The following LYG1 variants were observed in gnomAD, a reference collection of about 807,000 sequenced individuals.
LYG1 encodes the protein lysozyme g1.
In LYG1, 17 loss-of-function variants were observed where a neutral mutation model predicts 21.7. The observed-to-expected ratio is 0.78, with a 90% confidence interval of 0.54 to 1.18. The LOEUF is 1.18. Among genes scored for constraint, LYG1 ranks in the 50% most tolerant of loss-of-function variants. The pLI is 0.00. For synonymous variants in LYG1, 81 were observed against 87.4 expected (o/e 0.93, Z 0.41); for missense variants, 211 against 238.1 (o/e 0.89, Z 0.75).
At chr2:99,304,299 A>T (rs1348820926), upstream of LYG1, among the ~76,000 whole-genome samples, 1 of 152,218 alleles carries the variant, frequency 6.6e-6, no homozygotes. Context: ...TGATTTTATA[A>T]GAGGAAACCC....
chr2:99,289,673 T>TC (rs2094112738), intron 5 of LYG1, among the ~76,000 whole-genome samples: 2 of 152,162 alleles, frequency 1.3e-5, no homozygotes, highest in East Asian at 3.8e-4. Context: ...GTGCAAACCC[T>TC]CCAAACAGTC....
intron 3 of LYG1, 141 bp downstream of exon 3, chr2:99,295,487 T>G (rs546493894): frequency 9.7e-7 from 1 of 1,025,830 alleles, no homozygotes; most frequent in South Asian, 1.4e-5. Context: ...TTGGTGGCTG[T>G]TCCTAACTCC....
In LYG1 at chr2:99,296,558, C is replaced by T. The variant is rs895271995; in HGVS notation, c.-32-856G>A. ...CTACCAAACCAATACACAAATACCA[C>T]CAAGGATAGTTTGCTGTTAACCTCA... On this transcript the variant is annotated intron_variant, in intron 2 of 6. Coordinates refer to ENST00000308528, the MANE Select transcript of LYG1 (RefSeq NM_174898.3). Among the ~76,000 whole-genome samples, 3 of 152,114 alleles carry T rather than the reference C, an allele frequency of 2.0e-5. 1 individual carries two copies. Among genetic ancestry groups the T allele is most frequent in the South Asian group, 4.1e-4 (2 of 4,824 alleles).
chr2:99,285,046 A>G (rs948548632), intron 5 of LYG1, among the ~76,000 whole-genome samples: 29 of 152,206 alleles, frequency 1.9e-4, no homozygotes, highest in African/African-American at 6.3e-4. Flanking sequence ...AACCACTGAC[A>G]GTGCACAAAC....
intron 5 of LYG1, among the ~76,000 whole-genome samples, chr2:99,290,408 T>C (rs901685428): frequency 1.3e-5 from 2 of 152,222 alleles, no homozygotes; most frequent in Non-Finnish European, 2.9e-5. Context: ...TATCAGATTA[T>C]TGGATGGGTC....
upstream of LYG1, among the ~76,000 whole-genome samples, chr2:99,304,453 G>A (rs1183501266): frequency 6.6e-6 from 1 of 152,208 alleles, no homozygotes; most frequent in African/African-American, 2.4e-5. Flanking sequence ...TCAGTCTCAG[G>A]TATGTCTTTA....
At chr2:99,293,405 C>T (rs2094126849) in intron 3 of LYG1, among the ~76,000 whole-genome samples, 2 of 152,184 alleles carry the variant, frequency 1.3e-5, no homozygotes, top group African/African-American at 4.8e-5. Flanking sequence ...ACCTGGATCT[C>T]TCTGGGATAT....
intron 6 of LYG1, 74 bp downstream of exon 6, chr2:99,284,614 A>G (rs998334724): frequency 1.9e-6 from 3 of 1,594,188 alleles, no homozygotes; most frequent in Admixed American, 3.4e-5. Flanking sequence ...GTTTCGGGGA[A>G]TCTGGTGCAA....
rs201224615 is a variant in LYG1, at chr2:99,284,525, G to A, written c.467-14C>T. ...CACAGAGTCCACCTGAAATGCATGA[G>A]ATAGGTTAATGCTGACCTAGGGTAC... On this transcript the variant is annotated splice_polypyrimidine_tract_variant and intron_variant, in intron 6 of 6. Coordinates refer to ENST00000308528, the MANE Select transcript of LYG1 (RefSeq NM_174898.3). The A allele has an allele frequency of 7.0e-5, 113 of 1,613,024 alleles. No individual in the cohort carries two copies. In the African/African-American group the frequency reaches 1.1e-3, roughly 15 times the overall value.
intron 5 of LYG1, among the ~76,000 whole-genome samples, chr2:99,287,527 GT>G (rs2094104046): frequency 6.6e-6 from 1 of 151,970 alleles, no homozygotes; most frequent in South Asian, 2.1e-4. Flanking sequence ...GAACTTAAAG[GT>G]TGGAAAAAAG....
In LYG1 at chr2:99,284,483, A is replaced by G; in HGVS notation, c.495T>C (p.Ala165=). The G allele has an allele frequency of 6.2e-7, 1 of 1,614,174 alleles. No individual in the cohort carries two copies. The highest frequency in any genetic ancestry group is 8.5e-7 in the Non-Finnish European group (1 of 1,180,014). The change falls in exon 7 of 7, where the codon GCT becomes GCC. Residue 165 remains alanine, a synonymous_variant. Coordinates refer to ENST00000308528, the MANE Select transcript of LYG1 (RefSeq NM_174898.3). ...GGTCCTGGCTGCTTCGGACATAGCC[A>G]GCACCCCCACTGTAGGCACAGAGTC... ...RGGLCAYSGG[A]GYVRSSQDLS... is the part of the protein sequence containing the mutation.
At chr2:99,291,699 A>G (rs2094118847) in intron 4 of LYG1, among the ~76,000 whole-genome samples, 1 of 152,132 alleles carries the variant, frequency 6.6e-6, no homozygotes, top group Non-Finnish European at 1.5e-5. Flanking sequence ...CACCCAGGAC[A>G]ATTCCATGGC....
intron 3 of LYG1, among the ~76,000 whole-genome samples, chr2:99,293,114 C>G (rs1447709339): frequency 1.3e-5 from 2 of 150,498 alleles, no homozygotes; most frequent in Non-Finnish European, 2.9e-5. Context: ...GCTTCAGCCT[C>G]CCAAGTAGCT....
chr2:99,284,626 G>GTA, intron 6 of LYG1, 62 bp downstream of exon 6: 1 of 1,600,320 alleles, frequency 6.2e-7, no homozygotes, highest in Non-Finnish European at 8.5e-7. Context: ...CTGGTGCAAT[G>GTA]TATTATATTT....
intron 5 of LYG1, among the ~76,000 whole-genome samples, chr2:99,289,839 G>T (rs989233043): frequency 7.4e-6 from 1 of 134,748 alleles, no homozygotes; most frequent in East Asian, 2.2e-4. Context: ...GAATTCTCTT[G>T]TTTGTTGTTG....
intron 5 of LYG1, among the ~76,000 whole-genome samples, chr2:99,287,669 AT>A (rs1258794734): frequency 1.3e-5 from 2 of 151,710 alleles, no homozygotes; most frequent in African/African-American, 4.8e-5. Context: ...TTTCACTATG[AT>A]TTGTTTCTTT....
At position 99,285,951 on chromosome 2, in the gene LYG1, C is replaced by T. The variant is rs75513214; in HGVS notation, c.334-1131G>A. 2.9e-3 allele frequency among the ~76,000 whole-genome samples: 439 copies of T among 152,210 alleles called. 2 individuals are homozygous for T. Among genetic ancestry groups the T allele is most frequent in the African/African-American group, 9.9e-3 (412 of 41,514 alleles). ...GTGAAATTCATGTTGAAACTTAATC[C>T]CCGATGTGGCAGTATTGAGAGGTGG... On this transcript the variant is annotated intron_variant, in intron 5 of 6. Coordinates refer to ENST00000308528, the MANE Select transcript of LYG1 (RefSeq NM_174898.3).
chr2:99,302,978 G>C (rs979091134), upstream of LYG1, among the ~76,000 whole-genome samples: 1 of 151,224 alleles, frequency 6.6e-6, no homozygotes, highest in Admixed American at 6.6e-5. Flanking sequence ...GATCATGCCA[G>C]TGTACTCCAG....
intron 5 of LYG1, among the ~76,000 whole-genome samples, chr2:99,286,254 T>G (rs2105288900): frequency 6.6e-6 from 1 of 152,340 alleles, no homozygotes; most frequent in East Asian, 1.9e-4. Context: ...TTACCCATAT[T>G]TAGGTATTCT....
Sources: allele counts gnomAD v4.1 joint callset (sites outside exome capture counted in the v4.1 genomes callset), GRCh38; gene constraint gnomAD v4.1.1; transcripts MANE v1.5; gene names NCBI Gene and HGNC (gene_info 2026-07-23, HGNC 2026-07-21).